Variants in NOL4L observed in about 807,000 individuals in gnomAD.
NOL4L encodes nucleolar protein 4 like.
A neutral mutation model predicts 64.5 loss-of-function variants in NOL4L; 7 were observed. That is an observed-to-expected ratio of 0.11 (90% CI 0.06 to 0.20). The LOEUF (loss-of-function observed/expected upper bound fraction) is 0.20. Among genes scored for constraint, NOL4L ranks in the 10% least tolerant of loss-of-function variants. NOL4L has a pLI of 1.00. For missense variants in NOL4L, 680 were observed against 967.1 expected, an observed-to-expected ratio of 0.70 and a Z score of 3.94; for synonymous variants, 413 against 401.0, an observed-to-expected ratio of 1.03 and a Z score of -0.36.
chr20:32,545,477 G>C (rs2018718996), intron 1 of NOL4L, among the ~76,000 whole-genome samples: 1 of 152,200 alleles, frequency 6.6e-6, no homozygotes, highest in Admixed American at 6.5e-5. Context: ...TGGACTGAAA[G>C]CAAGTGTGTG....
rs1287174970 is a variant in NOL4L, at chr20:32,447,452, A to T, written c.*144T>A. 5 of 799,318 alleles carry T rather than the reference A, an allele frequency of 6.3e-6. No individual in the cohort carries two copies. Among genetic ancestry groups the T allele is most frequent in the Non-Finnish European group, 9.4e-6 (5 of 532,296 alleles). The allele number at this position is 799,318 out of a possible 1,614,324, so 49.5% of individuals were successfully genotyped here. On this transcript the variant is annotated 3_prime_UTR_variant, in exon 11 of 11. Coordinates refer to ENST00000621426, the MANE Select transcript of NOL4L (RefSeq NM_001256798.2). ...AAAGTGTCCTTGTGCCCAAAGTCTC[A>T]GGTGCTTGGAGTGTGGCTAGAAACA...
intron 1 of NOL4L, among the ~76,000 whole-genome samples, chr20:32,572,775 C>T (rs912224542): frequency 6.6e-6 from 1 of 152,124 alleles, no homozygotes; most frequent in Non-Finnish European, 1.5e-5. Flanking sequence ...CAGCTGACTA[C>T]TACCCTCCTG....
chr20:32,577,494 G>A (rs147635840), intron 1 of NOL4L, among the ~76,000 whole-genome samples: 1 of 152,306 alleles, frequency 6.6e-6, no homozygotes, highest in East Asian at 1.9e-4. Flanking sequence ...GGCAGCAAGA[G>A]ACCCTGAGTC....
intron 10 of NOL4L, among the ~76,000 whole-genome samples, chr20:32,450,825 G>A (rs1184856048): frequency 1.3e-5 from 2 of 152,178 alleles, no homozygotes; most frequent in Non-Finnish European, 2.9e-5. Flanking sequence ...AGCCCGCCTA[G>A]GACAGCCACT....
intron 2 of NOL4L, among the ~76,000 whole-genome samples, chr20:32,521,322 T>A (rs2017925193): frequency 6.6e-6 from 1 of 152,112 alleles, no homozygotes; most frequent in African/African-American, 2.4e-5. Flanking sequence ...ACAGATAAAT[T>A]CACTGCCCCA....
chr20:32,509,853 G>T lies in NOL4L; in HGVS notation c.699+1494C>A, dbSNP rs777126155. ...GGGGGCTGTGCTTCCGGCTGTTTGT[G>T]CGGTTTTGTGCTTCATTCTTCATGG... is the stretch of plus-strand genomic sequence containing the variant. On this transcript the variant is annotated intron_variant, in intron 4 of 10. Transcript: ENST00000621426. 6.1e-6 allele frequency: 8 copies of T among 1,304,242 alleles called. No homozygotes were observed. The South Asian group carries it at 9.9e-5, about 16-fold the overall frequency. 80.8% of individuals were successfully genotyped at this position (1,304,242 alleles called of 1,614,324 possible).
chr20:32,454,410 G>C (rs567420918), intron 6 of NOL4L, among the ~76,000 whole-genome samples: 21 of 151,600 alleles, frequency 1.4e-4, no homozygotes, highest in African/African-American at 5.1e-4. Flanking sequence ...GGGTAGAAAG[G>C]GAGAGGGAAC....
At chr20:32,549,977 G>A (rs1274944599) in intron 1 of NOL4L, among the ~76,000 whole-genome samples, 1 of 152,174 alleles carries the variant, frequency 6.6e-6, no homozygotes, top group African/African-American at 2.4e-5. Context: ...ATAGCAACAT[G>A]ATTCAAAATA....
chr20:32,498,811 G>A (rs2016802202), intron 4 of NOL4L, among the ~76,000 whole-genome samples: 1 of 150,522 alleles, frequency 6.6e-6, no homozygotes, highest in Non-Finnish European at 1.5e-5. Flanking sequence ...TTCTTTGGGA[G>A]GCCCAGAAGT....
chr20:32,565,949 G>T (rs1979402042), intron 1 of NOL4L, among the ~76,000 whole-genome samples: 1 of 152,208 alleles, frequency 6.6e-6, no homozygotes, highest in South Asian at 2.1e-4. Flanking sequence ...CCACTCGGGA[G>T]GCTGAGGTGG....
At position 32,453,375 on chromosome 20, in the gene NOL4L, C is replaced by T. The variant is rs2013131746; in HGVS notation, c.1426G>A (p.Glu476Lys). 6.2e-7 allele frequency: 1 copy of T among 1,613,964 alleles called. No homozygotes were observed. Among genetic ancestry groups the T allele is most frequent in the African/African-American group, 1.3e-5 (1 of 74,886 alleles). The change falls in exon 8 of 11, where the codon GAG becomes AAG. Residue 476 changes from glutamate to lysine, a missense_variant. Glu to Lys is a moderately conservative substitution (Grantham distance 56, BLOSUM62 1). This residue lies in a region of NOL4L where 70 missense variants were observed against 166.1 expected (regional missense o/e 0.42). Coordinates refer to ENST00000621426, the MANE Select transcript of NOL4L (RefSeq NM_001256798.2). The surrounding 1 kb of genome is among the most constrained non-coding windows in gnomAD (Gnocchi z 5.6). ...GTGCGGATGCGCTTGCGGGCCCGCT[C>T]CTGGAACTCAGGGAACTGCCGGCTG... is the stretch of plus-strand genomic sequence containing the variant. ...SCSRQFPEFQ[E>K]RARKRIRTYL... is the part of the protein sequence containing the mutation.
chr20:32,458,878 T>C (rs6141727), intron 5 of NOL4L, among the ~76,000 whole-genome samples: 10 of 152,336 alleles, frequency 6.6e-5, no homozygotes, highest in East Asian at 1.9e-4. Context: ...CCCGAGAAGA[T>C]GGACTTGCCC....
chr20:32,556,779 CT>C (rs1241467868), intron 1 of NOL4L, among the ~76,000 whole-genome samples: 1 of 152,216 alleles, frequency 6.6e-6, no homozygotes, highest in Non-Finnish European at 1.5e-5. Context: ...TCCTGGGCCT[CT>C]GCCACTGAGA....
chr20:32,574,649 C>T (rs764150648), intron 1 of NOL4L, among the ~76,000 whole-genome samples: 8 of 152,058 alleles, frequency 5.3e-5, no homozygotes, highest in Non-Finnish European at 8.8e-5. Context: ...CCGGGGATGC[C>T]GAGAAAACGA....
chr20:32,537,373 G>A (rs900059495), intron 1 of NOL4L, among the ~76,000 whole-genome samples: 1 of 152,162 alleles, frequency 6.6e-6, no homozygotes, highest in African/African-American at 2.4e-5. Flanking sequence ...AACCGTCCTG[G>A]GAGACAAAAC....
At position 32,452,288 on chromosome 20, in the gene NOL4L, C is replaced by G. The variant is rs75184133; in HGVS notation, c.1770G>C (p.Leu590Phe). Residue 590 changes from leucine (L) to phenylalanine (F), a missense_variant, in exon 10 of 11, where the codon TTG (leucine) becomes TTC (phenylalanine). Leu to Phe is a conservative substitution (Grantham distance 22). This residue lies in a region of NOL4L where 175 missense variants were observed against 227.0 expected (regional missense o/e 0.77). Coordinates refer to ENST00000621426, the MANE Select transcript of NOL4L (RefSeq NM_001256798.2). ...LNYSYRGYGA[L>F]SSNLQPPASL... ...AGGCAGGGGGCTGCAGGTTGCTGCT[C>G]AAGGCCCCGTACCCGCGGTAACTGT... is the stretch of plus-strand genomic sequence containing the variant. The G allele has an allele frequency of 1.9e-6, 3 of 1,603,380 alleles. No homozygotes were observed. The highest frequency in any genetic ancestry group is 1.1e-5 in the South Asian group (1 of 89,408).
chr20:32,494,959 G>A (rs1345752880), intron 4 of NOL4L, among the ~76,000 whole-genome samples: 1 of 147,946 alleles, frequency 6.8e-6, no homozygotes, highest in African/African-American at 2.7e-5. Context: ...TCCTGTCCGC[G>A]GGTGGACTAG....
At chr20:32,462,686 C>T (rs1209315627) in intron 5 of NOL4L, among the ~76,000 whole-genome samples, 1 of 151,964 alleles carries the variant, frequency 6.6e-6, no homozygotes, top group Non-Finnish European at 1.5e-5. Flanking sequence ...GCAGGCAGAT[C>T]ATGAGGTCAA....
At chr20:32,527,451 C>G (rs897280938) in intron 2 of NOL4L, among the ~76,000 whole-genome samples, 1 of 152,140 alleles carries the variant, frequency 6.6e-6, no homozygotes, top group African/African-American at 2.4e-5. Flanking sequence ...GGGGTGGTGT[C>G]GGGTGGGAGC....
Sources: gnomAD v4.1 joint callset for allele counts (sites outside exome capture counted in the v4.1 genomes callset) on GRCh38, gnomAD v4.1.1 for gene constraint, gnomAD v4.1.1 regional missense constraint, Gnocchi (gnomAD v3.1) non-coding constraint, MANE v1.5 for transcripts, NCBI Gene and HGNC (gene_info 2026-07-23, HGNC 2026-07-21) for gene names.